The following HIF3A variants were observed in gnomAD, a reference collection of about 807,000 sequenced individuals.
HIF3A encodes the protein hypoxia-inducible factor 3-alpha.
A neutral mutation model predicts 67.2 loss-of-function variants in HIF3A; 41 were observed. That is an observed-to-expected ratio of 0.61 (90% CI 0.48 to 0.79). The LOEUF (loss-of-function observed/expected upper bound fraction) is 0.79. Ranked by LOEUF, HIF3A falls within the 30% of genes least tolerant of loss-of-function variation. HIF3A has a pLI of 0.00. For synonymous variants in HIF3A, 356 were observed against 374.8 expected, an observed-to-expected ratio of 0.95 and a Z score of 0.58; for missense variants, 855 against 898.0, an observed-to-expected ratio of 0.95 and a Z score of 0.61.
intron 11 of HIF3A, among the ~76,000 whole-genome samples, chr19:46,327,347 A>C: frequency 2.8e-5 from 4 of 140,662 alleles, no homozygotes; most frequent in Admixed American, 1.5e-4. Context: ...ATGGAGCCTC[A>C]CTCTATCACC....
At chr19:46,334,284 G>C (rs1601370251) in intron 13 of HIF3A, among the ~76,000 whole-genome samples, 1 of 151,732 alleles carries the variant, frequency 6.6e-6, no homozygotes, top group Non-Finnish European at 1.5e-5. Flanking sequence ...TAGAGATGGA[G>C]TTTCACCATG....
At chr19:46,338,520 G>T (rs1971792351) in intron 14 of HIF3A, 6 of 1,140,272 alleles carry the variant, frequency 5.3e-6, no homozygotes. Context: ...TGTTTTGAAT[G>T]AATAAACTCT....
At chr19:46,327,303 C>CT (rs896162449) in intron 11 of HIF3A, among the ~76,000 whole-genome samples, 3 of 150,170 alleles carry the variant, frequency 2.0e-5, no homozygotes, top group Admixed American at 6.7e-5. Flanking sequence ...TCTGAGACCA[C>CT]TTTTTTTTTC....
intron 9 of HIF3A, 152 bp downstream of exon 9, chr19:46,320,713 A>G: frequency 1.6e-6 from 1 of 623,920 alleles, no homozygotes; most frequent in African/African-American, 1.8e-5. Flanking sequence ...CAGCCTCCTA[A>G]GAGCCCTTGG....
intron 3 of HIF3A, among the ~76,000 whole-genome samples, chr19:46,307,330 A>G (rs1362709941): frequency 6.6e-6 from 1 of 152,182 alleles, no homozygotes; most frequent in Non-Finnish European, 1.5e-5. Context: ...AGCCAGGTGC[A>G]GTAGCTCCCA....
At chr19:46,305,201 A>G (rs774849567) in intron 2 of HIF3A, 44 bp from the exon 3 acceptor site, 1 of 1,612,936 alleles carries the variant, frequency 6.2e-7, no homozygotes, top group Admixed American at 1.7e-5. Context: ...AATTCAGACC[A>G]TAACTGACTA....
At chr19:46,331,319 T>C (rs770797953) in intron 13 of HIF3A, 46 bp downstream of exon 13, 1 of 1,493,918 alleles carries the variant, frequency 6.7e-7, no homozygotes, top group Admixed American at 1.7e-5. Context: ...ATTACCTAGC[T>C]GGCTTAAACC....
chr19:46,308,735 GC>G lies in HIF3A; in HGVS notation c.523del (p.Arg175AlafsTer15), dbSNP rs553330110. ...FSLRMKSTLTSRGRTLNLKAA... is the reference protein window; with the variant it reads ...FSLRMKSTLTXRGRTLNLKAA... Reference sequence around the variant, plus strand: ...TTGCGCATGAAGAGTACACTCACCAGCCGCGGGCGCACCCTCAACCTCAAGG... The same window carrying G: ...TTGCGCATGAAGAGTACACTCACCAGCGCGGGCGCACCCTCAACCTCAAGG... On this transcript the variant is annotated frameshift_variant, in exon 5 of 15. Coordinates refer to ENST00000377670, the MANE Select transcript of HIF3A (RefSeq NM_152795.4). LOFTEE classifies it high-confidence loss of function. 1.2e-6 allele frequency: 2 copies of G among 1,610,270 alleles called. No homozygotes were observed. Among genetic ancestry groups the G allele is most frequent in the South Asian group, 2.2e-5 (2 of 90,362 alleles).
At chr19:46,323,060 T>C (rs571668954) in intron 10 of HIF3A, among the ~76,000 whole-genome samples, 1 of 151,376 alleles carries the variant, frequency 6.6e-6, no homozygotes, top group African/African-American at 2.4e-5. Context: ...TTTTGTTGTT[T>C]TTTTTTTGAG....
chr19:46,322,129 T>A (rs992532323), intron 10 of HIF3A, among the ~76,000 whole-genome samples, 163 bp downstream of exon 10: 4 of 152,180 alleles, frequency 2.6e-5, no homozygotes, highest in Non-Finnish European at 5.9e-5. Context: ...AAGACGCAGA[T>A]CCAGATTTTT....
At chr19:46,309,076 G>T in intron 5 of HIF3A, 75 bp from the exon 6 acceptor site, 1 of 1,266,908 alleles carries the variant, frequency 7.9e-7, no homozygotes, top group Non-Finnish European at 1.1e-6. Flanking sequence ...GGGCCCTCAG[G>T]ACGCATCTTC....
In HIF3A at chr19:46,308,299, C is replaced by A. The variant is rs762589068; in HGVS notation, c.442C>A (p.Gln148Lys). The A allele has an allele frequency of 7.5e-6, 12 of 1,608,140 alleles. No individual in the cohort carries two copies. Among genetic ancestry groups the A allele is most frequent in the South Asian group, 1.1e-5 (1 of 90,482 alleles). ...QEELQDALTPQQTLSRRKVEA... is the reference protein window; with the variant it reads ...QEELQDALTPKQTLSRRKVEA... ...GGAGCTTCAGGACGCCCTGACCCCC[C>A]AGCAGAGTGAGTTCCCTGGAGGCCT... The change falls in exon 4 of 15, where the codon CAG (glutamine) becomes AAG (lysine). Residue 148 changes from glutamine to lysine, a missense_variant. By Grantham distance (53) the Gln-to-Lys change is moderately conservative. Around this residue, in one of 3 missense-constraint regions of HIF3A, gnomAD observed 638 missense variants for 660.5 expected, o/e 0.97. Transcript: ENST00000377670.
intron 10 of HIF3A, among the ~76,000 whole-genome samples, chr19:46,323,999 G>A (rs1970578855): frequency 6.6e-6 from 1 of 152,104 alleles, no homozygotes; most frequent in South Asian, 2.1e-4. Context: ...CCCCTAACCT[G>A]GGATGTTTGG....
At chr19:46,327,387 C>T (rs2147265653) in intron 11 of HIF3A, among the ~76,000 whole-genome samples, 1 of 151,336 alleles carries the variant, frequency 6.6e-6, no homozygotes, top group South Asian at 2.1e-4. Context: ...GCAATCTTGG[C>T]TCACTGCAAC....
At chr19:46,312,318 G>A (rs1282742543) in intron 7 of HIF3A, 51 bp downstream of exon 7, 3 of 1,613,494 alleles carry the variant, frequency 1.9e-6, no homozygotes, top group East Asian at 4.5e-5. Context: ...ATGGCCCCCA[G>A]CTGACACCAG....
At chr19:46,301,427 C>T (rs928004341) in intron 1 of HIF3A, among the ~76,000 whole-genome samples, 12 of 152,128 alleles carry the variant, frequency 7.9e-5, no homozygotes, top group South Asian at 2.1e-4. Context: ...GGAAACTCAC[C>T]GCCCAGATTC....
In HIF3A at chr19:46,312,245, G is replaced by C. The variant is rs147931736; in HGVS notation, c.855G>C (p.Ala285=). Residue 285 remains alanine (A), a synonymous_variant, in exon 7 of 15, where the codon GCG becomes GCC. Coordinates refer to ENST00000377670, the MANE Select transcript of HIF3A (RefSeq NM_152795.4). Reference sequence around the variant, plus strand: ...ACATCCACGCGCTGGACTCCGATGCGGTCAGCAAGAGCATCCACACCTGTA... The same window carrying C: ...ACATCCACGCGCTGGACTCCGATGCCGTCAGCAAGAGCATCCACACCTGTA... ...YEYIHALDSD[A]VSKSIHTLLS... is the part of the protein sequence containing the mutation. 1.2e-6 allele frequency: 2 copies of C among 1,613,808 alleles called. No homozygotes were observed. The highest frequency in any genetic ancestry group is 2.2e-5 in the East Asian group (1 of 44,858).
At chr19:46,303,698 G>T (rs1302849067) in intron 1 of HIF3A, 200 bp from the exon 2 acceptor site, 1 of 1,577,794 alleles carries the variant, frequency 6.3e-7, no homozygotes, top group Non-Finnish European at 8.6e-7. Context: ...GTAAAATCAG[G>T]GCTAGGAAGG....
chr19:46,339,594 C>G lies in HIF3A; in HGVS notation c.1982C>G (p.Pro661Arg). ...ACCCAGCCCGGGGGCCCCTTCCAGC[C>G]AAGGGCAGGCTCAGCCCAGGCTGAC... ...DTTQPGGPFQPRAGSAQAD is the reference protein window; with the variant it reads ...DTTQPGGPFQRRAGSAQAD Residue 661 changes from proline to arginine, a missense_variant, in exon 15 of 15, where the codon CCA becomes CGA. This residue lies in a region of HIF3A where 199 missense variants were observed against 193.8 expected (regional missense o/e 1.03). Coordinates refer to ENST00000377670, the MANE Select transcript of HIF3A (RefSeq NM_152795.4). 1 of 1,608,918 alleles carries G rather than the reference C, an allele frequency of 6.2e-7. No homozygotes were observed. The highest frequency in any genetic ancestry group is 1.1e-5 in the South Asian group (1 of 90,244).
Sources: allele counts gnomAD v4.1 joint callset (sites outside exome capture counted in the v4.1 genomes callset), GRCh38; gene constraint gnomAD v4.1.1; regional missense constraint gnomAD v4.1.1; transcripts MANE v1.5; gene names NCBI Gene and HGNC (gene_info 2026-07-23, HGNC 2026-07-21).